CACNA1E: variants seen among roughly 807,000 people sequenced by gnomAD.
The protein encoded by CACNA1E is voltage-dependent R-type calcium channel subunit alpha-1E.
Under a neutral mutation model 259.2 loss-of-function variants are expected in CACNA1E, and 40 were observed. The observed-to-expected ratio is 0.15, with a 90% CI of 0.12 to 0.20. CACNA1E has a LOEUF of 0.20. CACNA1E is among the 10% of genes least tolerant of loss of function. The probability of loss-of-function intolerance (pLI) is 1.00; values close to 1 mark genes in which losing one functional copy is unlikely to be tolerated. For missense variants in CACNA1E, 1,874 were observed against 3,040.1 expected (o/e 0.62, Z 9.02); for synonymous variants, 1,104 against 1,138.5 (o/e 0.97, Z 0.61).
intron 2 of CACNA1E, among the ~76,000 whole-genome samples, chr1:181,422,241 G>A (rs615440): frequency 0.14 from 21,076 of 152,224 alleles, 1,859 homozygotes; most frequent in Middle Eastern, 0.25. Context: ...TGTTGGTGCC[G>A]TGAGATCAGT....
chr1:181,683,345 T>G (rs1221173497), intron 7 of CACNA1E, among the ~76,000 whole-genome samples: 1 of 152,216 alleles, frequency 6.6e-6, no homozygotes, highest in Non-Finnish European at 1.5e-5. Context: ...CTGAATTGCA[T>G]TTAGCTTACA....
At chr1:181,641,964 T>G (rs1424076191) in intron 6 of CACNA1E, among the ~76,000 whole-genome samples, 7 of 152,066 alleles carry the variant, frequency 4.6e-5, no homozygotes, top group African/African-American at 1.4e-4. Flanking sequence ...CGCTTGCCTC[T>G]GCTTCCCAAA....
chr1:181,561,994 A>G (rs530798311), intron 3 of CACNA1E, among the ~76,000 whole-genome samples: 26 of 152,240 alleles, frequency 1.7e-4, no homozygotes, highest in Non-Finnish European at 2.8e-4. Flanking sequence ...CTAATGATTA[A>G]TAATGTCCCA....
chr1:181,538,516 A>G (rs1016475521), intron 3 of CACNA1E, among the ~76,000 whole-genome samples: 3 of 152,212 alleles, frequency 2.0e-5, no homozygotes, highest in African/African-American at 7.2e-5. Context: ...GTGCATGTAT[A>G]TGTAAATTGG....
At chr1:181,603,514 A>G (rs1292537702) in intron 6 of CACNA1E, among the ~76,000 whole-genome samples, 2 of 152,016 alleles carry the variant, frequency 1.3e-5, no homozygotes, top group Admixed American at 1.3e-4. Flanking sequence ...TGCATGTGTG[A>G]ACACTGTAAT....
chr1:181,626,832 G>T (rs1656247679), intron 6 of CACNA1E, among the ~76,000 whole-genome samples: 1 of 152,190 alleles, frequency 6.6e-6, no homozygotes, highest in East Asian at 1.9e-4. Flanking sequence ...CTGTTAAGTA[G>T]GAGTGCTCAT....
intron 22 of CACNA1E, among the ~76,000 whole-genome samples, chr1:181,736,659 G>A (rs184848081): frequency 1.6e-3 from 241 of 152,284 alleles, no homozygotes; most frequent in African/African-American, 5.0e-3. Flanking sequence ...GAGTAACATC[G>A]ACAGGAGAAC....
chr1:181,647,805 C>G (rs1045291754), intron 6 of CACNA1E, among the ~76,000 whole-genome samples: 1 of 152,118 alleles, frequency 6.6e-6, no homozygotes, highest in Non-Finnish European at 1.5e-5. Context: ...CTTTGTCCTA[C>G]CGGGTGTGTC....
intron 1 of CACNA1E, among the ~76,000 whole-genome samples, chr1:181,398,633 A>G (rs112714635): frequency 0.023 from 3,484 of 152,268 alleles, 131 homozygotes; most frequent in African/African-American, 0.079. Flanking sequence ...GGGTGTGCGG[A>G]GTGCCCTCCC....
chr1:181,434,193 C>T (rs1186443012), intron 2 of CACNA1E, among the ~76,000 whole-genome samples: 2 of 152,156 alleles, frequency 1.3e-5, no homozygotes, highest in East Asian at 1.9e-4. Flanking sequence ...ATAGTGCTCA[C>T]CTCATAGGTC....
At chr1:181,357,179 A>C (rs1046979490) in intron 1 of CACNA1E, among the ~76,000 whole-genome samples, 3 of 152,026 alleles carry the variant, frequency 2.0e-5, no homozygotes, top group Admixed American at 6.6e-5. Context: ...CTCTTGGATC[A>C]GCCCCAGAGG....
intron 2 of CACNA1E, among the ~76,000 whole-genome samples, chr1:181,464,953 G>A (rs1482338384): frequency 6.6e-6 from 1 of 151,876 alleles, no homozygotes; most frequent in Non-Finnish European, 1.5e-5. Context: ...AAATAAAATT[G>A]TCATTATATC....
rs1663669939 is a variant in CACNA1E, at chr1:181,485,057, TG to T, written c.266+1049del. Among the ~76,000 whole-genome samples, 1 of 152,002 alleles carries T rather than the reference TG, an allele frequency of 6.6e-6. No homozygotes were observed. The highest frequency in any genetic ancestry group is 1.5e-5 in the Non-Finnish European group (1 of 67,998). The stretch of plus-strand genomic sequence containing the variant: ...TGGCAAGGCCATTGGGAATTGGGGG[TG>T]GTGAGGCAGTGAAGGGGATTAGTAG... On this transcript the variant is annotated intron_variant, in intron 1 of 47. Coordinates refer to ENST00000367573, the MANE Select transcript of CACNA1E (RefSeq NM_001205293.3). This position sits in a 1 kb window ranked among gnomAD's most constrained non-coding sequence, Gnocchi z 4.2.
chr1:181,456,562 A>C (rs1360702536), intron 2 of CACNA1E, among the ~76,000 whole-genome samples: 6 of 152,154 alleles, frequency 3.9e-5, no homozygotes, highest in Non-Finnish European at 8.8e-5. Flanking sequence ...ACTGGCTGCA[A>C]GTCATGGAGA....
chr1:181,711,258 A>T (rs1017427439), intron 8 of CACNA1E, among the ~76,000 whole-genome samples, 189 bp downstream of exon 8: 1 of 152,232 alleles, frequency 6.6e-6, no homozygotes, highest in African/African-American at 2.4e-5. Context: ...TGTCCTGTCT[A>T]TCAAACTGTC....
At chr1:181,607,887 G>A (rs965974267) in intron 6 of CACNA1E, among the ~76,000 whole-genome samples, 1 of 152,104 alleles carries the variant, frequency 6.6e-6, no homozygotes, top group African/African-American at 2.4e-5. Context: ...TTTTGAAGAG[G>A]GTTTAGTAAT....
rs146644420 is a variant in CACNA1E, at chr1:181,767,203, G to T, written c.4881+592G>T. 2.2e-3 allele frequency among the ~76,000 whole-genome samples: 328 copies of T among 152,230 alleles called. 2 individuals carry two copies. Among genetic ancestry groups the T allele is most frequent in the African/African-American group, 7.2e-3 (299 of 41,530 alleles). ...CAAGGGCCACATTCCAGCTAATTAG[G>T]CCATGCAACTTCCTGGACAGTTCCC... On this transcript the variant is annotated intron_variant, in intron 35 of 47. Transcript: ENST00000367573.
chr1:181,426,056 C>G (rs1040410045), intron 2 of CACNA1E, among the ~76,000 whole-genome samples: 4 of 152,100 alleles, frequency 2.6e-5, no homozygotes, highest in African/African-American at 9.7e-5. Flanking sequence ...TCTTTCTGCT[C>G]TTGGAGTAGG....
intron 1 of CACNA1E, among the ~76,000 whole-genome samples, chr1:181,402,458 C>G (rs762113602): frequency 6.6e-6 from 1 of 152,234 alleles, no homozygotes; most frequent in Non-Finnish European, 1.5e-5. Flanking sequence ...ATCACAAGAT[C>G]ACAAAGGATG....
Sources: gnomAD v4.1 joint callset for allele counts (sites outside exome capture counted in the v4.1 genomes callset) on GRCh38, gnomAD v4.1.1 for gene constraint, Gnocchi (gnomAD v3.1) non-coding constraint, MANE v1.5 for transcripts, NCBI Gene and HGNC (gene_info 2026-07-23, HGNC 2026-07-21) for gene names.